Variants in PLCL2 observed in about 807,000 individuals in gnomAD.
The protein encoded by PLCL2 is phospholipase C like 2.
In PLCL2, 4 loss-of-function variants were observed where a neutral mutation model predicts 79.6. The observed-to-expected ratio is 0.05, with a 90% CI of 0.02 to 0.11. The LOEUF is 0.11. Ranked by LOEUF, PLCL2 falls within the 10% of genes least tolerant of loss-of-function variation. PLCL2 has a pLI of 1.00. For missense variants in PLCL2, 895 were observed against 1,291.0 expected (o/e 0.69, Z 4.70); for synonymous variants, 484 against 457.7 (o/e 1.06, Z -0.73).
At chr3:16,904,306 C>CAAAAAAAAAAAAAAAAAAAAAAAAA (rs547582289) in intron 1 of PLCL2, among the ~76,000 whole-genome samples, 3 of 116,086 alleles carry the variant, frequency 2.6e-5, no homozygotes, top group Non-Finnish European at 3.6e-5. Context: ...GAGATCTTGA[C>CAAAAAAAAAAAAAAAAAAAAAAAAA]AAAAAAAAAA....
intron 1 of PLCL2, among the ~76,000 whole-genome samples, chr3:16,963,411 TATC>T (rs2063774598): frequency 6.6e-6 from 1 of 152,124 alleles, no homozygotes; most frequent in African/African-American, 2.4e-5. Flanking sequence ...TTTAATAGCT[TATC>T]ATGAGAGAAA....
intron 3 of PLCL2, among the ~76,000 whole-genome samples, chr3:17,019,144 A>G (rs1011610940): frequency 4.6e-5 from 7 of 152,240 alleles, no homozygotes; most frequent in Non-Finnish European, 8.8e-5. Context: ...TAGACCTGTA[A>G]GAATGAGTTG....
Position 17,067,969 on chromosome 3 carries a change from T to C in PLCL2, c.3108T>C (p.His1036=), listed in dbSNP as rs1461833641. Residue 1036 remains histidine (H), a synonymous_variant, in exon 5 of 6, where the codon CAT becomes CAC. Transcript: ENST00000615277. ...VHCQKAAMEF[H]EHLHSIGTKE... is the part of the protein sequence containing the mutation. ...TATTTCTTTCAGCCATGGAATTCCATGAACACTTGCACAGCATAGGCACCA... is the reference window on the plus strand; with the variant it reads ...TATTTCTTTCAGCCATGGAATTCCACGAACACTTGCACAGCATAGGCACCA... The C allele has an allele frequency of 6.2e-7, 1 of 1,603,798 alleles. No individual in the cohort carries two copies. Among genetic ancestry groups the C allele is most frequent in the Non-Finnish European group, 8.5e-7 (1 of 1,172,996 alleles).
At chr3:16,963,468 A>T (rs1405836677) in intron 1 of PLCL2, among the ~76,000 whole-genome samples, 1 of 152,176 alleles carries the variant, frequency 6.6e-6, no homozygotes, top group African/African-American at 2.4e-5. Flanking sequence ...TCATGAATAG[A>T]TATTATAAAA....
intron 1 of PLCL2, among the ~76,000 whole-genome samples, chr3:16,891,440 A>G (rs1223234365): frequency 3.9e-5 from 6 of 152,198 alleles, no homozygotes; most frequent in Non-Finnish European, 8.8e-5. Context: ...GCTCGTTTTG[A>G]AAGTTTTGTC....
chr3:16,973,800 T>C (rs1175771676), intron 1 of PLCL2, among the ~76,000 whole-genome samples: 1 of 152,242 alleles, frequency 6.6e-6, no homozygotes, highest in Non-Finnish European at 1.5e-5. Context: ...GAAATAGTCA[T>C]GATTTTGCTC....
intron 1 of PLCL2, among the ~76,000 whole-genome samples, chr3:16,985,812 A>G (rs1471671122): frequency 1.3e-5 from 2 of 152,182 alleles, no homozygotes; most frequent in Non-Finnish European, 2.9e-5. Flanking sequence ...GATAGTGCAC[A>G]GTTGTTTCCA....
At chr3:17,058,089 G>C (rs1324031080) in intron 4 of PLCL2, among the ~76,000 whole-genome samples, 1 of 152,160 alleles carries the variant, frequency 6.6e-6, no homozygotes, top group Non-Finnish European at 1.5e-5. Flanking sequence ...GAGGAGGAGT[G>C]GGGAGGTCTG....
intron 1 of PLCL2, among the ~76,000 whole-genome samples, chr3:17,008,075 T>G (rs2064281355): frequency 6.6e-6 from 1 of 152,174 alleles, no homozygotes; most frequent in Admixed American, 6.5e-5. Flanking sequence ...GCAGGAAAGT[T>G]GAACAGTGCC....
At chr3:16,916,463 CT>C (rs1391994321) in intron 1 of PLCL2, among the ~76,000 whole-genome samples, 5 of 152,246 alleles carry the variant, frequency 3.3e-5, no homozygotes, top group Non-Finnish European at 2.9e-5. Flanking sequence ...GTAGCTTCTC[CT>C]TAAATTATTT....
intron 3 of PLCL2, among the ~76,000 whole-genome samples, chr3:17,036,465 G>A (rs1254755657): frequency 1.3e-5 from 2 of 152,090 alleles, no homozygotes; most frequent in East Asian, 1.9e-4. Context: ...CTCAAATCCC[G>A]ATGTTTTAGA....
intron 1 of PLCL2, among the ~76,000 whole-genome samples, chr3:16,961,342 T>C (rs998078914): frequency 5.3e-5 from 8 of 152,236 alleles, no homozygotes; most frequent in African/African-American, 1.9e-4. Flanking sequence ...ACCTACTGTG[T>C]GTCAGGCCAT....
intron 3 of PLCL2, among the ~76,000 whole-genome samples, chr3:17,016,762 A>C (rs1386229936): frequency 6.6e-6 from 1 of 152,236 alleles, no homozygotes; most frequent in Non-Finnish European, 1.5e-5. Flanking sequence ...AAGCCAAAAA[A>C]GTATCTGATA....
chr3:17,038,537 T>A (rs1391016649), intron 3 of PLCL2, among the ~76,000 whole-genome samples: 3 of 152,224 alleles, frequency 2.0e-5, no homozygotes, highest in Non-Finnish European at 4.4e-5. Context: ...GCATCGATAT[T>A]ACTACCTGCA....
intron 2 of PLCL2, among the ~76,000 whole-genome samples, chr3:17,013,094 A>G (rs754254695): frequency 2.6e-5 from 4 of 152,238 alleles, no homozygotes; most frequent in Non-Finnish European, 5.9e-5. Flanking sequence ...CTCTTAAAGT[A>G]AAAGCATAAC....
intron 1 of PLCL2, among the ~76,000 whole-genome samples, chr3:16,967,292 A>G (rs930458248): frequency 9.9e-5 from 15 of 152,102 alleles, no homozygotes; most frequent in Admixed American, 8.5e-4. Context: ...CAATAATGGG[A>G]TTGCTAGGGT....
chr3:17,035,862 G>A (rs1022215856), intron 3 of PLCL2: 1 of 486,984 alleles, frequency 2.1e-6, no homozygotes, highest in East Asian at 6.7e-5. Flanking sequence ...GGGGTCCTGT[G>A]TGTGGCAGCA....
At chr3:16,991,332 G>T (rs1001571476) in intron 1 of PLCL2, among the ~76,000 whole-genome samples, 3 of 152,098 alleles carry the variant, frequency 2.0e-5, no homozygotes, top group Non-Finnish European at 4.4e-5. Flanking sequence ...TCCTTTCCAT[G>T]GGCACAACTG....
At position 17,042,858 on chromosome 3, in the gene PLCL2, G is replaced by T; in HGVS notation, c.3019-16G>T. The T allele has an allele frequency of 6.3e-7, 1 of 1,587,652 alleles. No homozygotes were observed. The highest frequency in any genetic ancestry group is 8.6e-7 in the Non-Finnish European group (1 of 1,156,158). On this transcript the variant is annotated splice_polypyrimidine_tract_variant and intron_variant, in intron 3 of 5. Coordinates refer to ENST00000615277, the MANE Select transcript of PLCL2 (RefSeq NM_001144382.2). ...GTTGTCAGGTGTAATCTCATGTCTG[G>T]ATGTTCCCTTTGCAGATGATTCAGT...
Sources: allele counts gnomAD v4.1 joint callset (sites outside exome capture counted in the v4.1 genomes callset), GRCh38; gene constraint gnomAD v4.1.1; transcripts MANE v1.5; gene names NCBI Gene and HGNC (gene_info 2026-07-23, HGNC 2026-07-21).